The following CCDC33 variants were observed in gnomAD, a reference collection of about 807,000 sequenced individuals.
CCDC33 encodes the protein coiled-coil domain-containing protein 33.
A neutral mutation model predicts 91.9 loss-of-function variants in CCDC33; 94 were observed. The ratio of observed to expected loss-of-function variants is 1.02; its 90% CI spans 0.87 to 1.21. CCDC33 has a LOEUF of 1.21. Among genes scored for constraint, CCDC33 ranks in the 50% most tolerant of loss-of-function variants. The pLI is 0.00. For synonymous variants in CCDC33, 396 were observed against 374.5 expected (o/e 1.06, Z -0.66); for missense variants, 940 against 935.5 (o/e 1.00, Z -0.06).
intron 1 of CCDC33, among the ~76,000 whole-genome samples, chr15:74,204,745 C>G (rs1439433870): frequency 6.6e-6 from 1 of 152,146 alleles, no homozygotes; most frequent in Non-Finnish European, 1.5e-5. Flanking sequence ...CCCAGCCTGG[C>G]CAACAAGGCA....
At chr15:74,289,069 G>T (rs894057354) in intron 10 of CCDC33, among the ~76,000 whole-genome samples, 1 of 152,182 alleles carries the variant, frequency 6.6e-6, no homozygotes, top group East Asian at 1.9e-4. Context: ...GGCTCCTGGG[G>T]GAGGGGAGTT....
chr15:74,331,082 G>A lies in CCDC33; in HGVS notation c.1647G>A (p.Ala549=), dbSNP rs754436063. The A allele has an allele frequency of 1.9e-5, 31 of 1,613,482 alleles. No homozygotes were observed. In the African/African-American group the frequency reaches 2.0e-4, roughly 10 times the overall value. ...QYQGKLQKMK[A]LEETVRHQEK... ...AGGGCAAGCTGCAGAAGATGAAGGC[G>A]CTGGAGGAGACTGTGCGGCACCAAG... The change falls in exon 14 of 19, where the codon GCG becomes GCA. Residue 549 remains alanine (A), a synonymous_variant. Coordinates refer to ENST00000398814, the MANE Select transcript of CCDC33 (RefSeq NM_025055.5).
chr15:74,216,825 G>A (rs763944871), upstream of CCDC33, among the ~76,000 whole-genome samples: 14 of 151,052 alleles, frequency 9.3e-5, no homozygotes, highest in South Asian at 2.1e-4. Flanking sequence ...CCCCACACCA[G>A]AATCTTCTTC....
intron 5 of CCDC33, 34 bp downstream of exon 5, chr15:74,268,492 G>GA (rs776757144): frequency 6.8e-7 from 1 of 1,479,362 alleles, no homozygotes; most frequent in South Asian, 1.2e-5. Context: ...GGTGGTGGTG[G>GA]GGGTGGGAAA....
intron 2 of CCDC33, among the ~76,000 whole-genome samples, chr15:74,260,048 A>T (rs376286169): frequency 2.2e-4 from 34 of 152,328 alleles, no homozygotes; most frequent in African/African-American, 7.7e-4. Flanking sequence ...CACTAACTAT[A>T]TATCTATAAG....
In CCDC33 at chr15:74,207,632, G is replaced by A. The variant is rs144195302; in HGVS notation, n.90-1756G>A. 3,461 of 1,443,700 alleles carry A rather than the reference G, an allele frequency of 2.4e-3. 4 individuals are homozygous for A. The highest frequency in any genetic ancestry group is 3.0e-3 in the Non-Finnish European group (3,190 of 1,063,466). The allele number at this position is 1,443,700 out of a possible 1,614,324, so 89.4% of individuals were successfully genotyped here. A position where few individuals can be genotyped will look rare whatever the true frequency, so the allele number is the denominator to read the frequency against. ...AAACCTCAGGTACACCCCCAACTTC[G>A]ATAGCACGGAAGAGAACACGCAAGA... On this transcript the variant is annotated intron_variant and non_coding_transcript_variant, in intron 1 of 3. Transcript: ENST00000558645.
chr15:74,336,223 T>C, downstream of CCDC33: 1 of 1,431,560 alleles, frequency 7.0e-7, no homozygotes. Flanking sequence ...TGGGCCTGGG[T>C]CTTCTGCTGC....
intron 2 of CCDC33, among the ~76,000 whole-genome samples, chr15:74,247,102 G>T (rs761885317): frequency 6.6e-6 from 1 of 150,878 alleles, no homozygotes; most frequent in Non-Finnish European, 1.5e-5. Context: ...CCAAGATTGC[G>T]CCACTGCACT....
intron 5 of CCDC33, 85 bp downstream of exon 5, chr15:74,268,543 C>A (rs1296374322): frequency 1.9e-6 from 2 of 1,038,278 alleles, no homozygotes; most frequent in Non-Finnish European, 3.0e-6. Context: ...GCCCTTAGCC[C>A]CCTCTGGCTG....
chr15:74,224,842 C>T (rs2074735935), intron 2 of CCDC33, among the ~76,000 whole-genome samples: 1 of 152,110 alleles, frequency 6.6e-6, no homozygotes, highest in Non-Finnish European at 1.5e-5. Flanking sequence ...TGTGTCTGGG[C>T]CTTGGTTTCT....
rs1186064272 is a variant in CCDC33 at position 74,262,712 on chromosome 15, G to GA, written c.319+145dup. ...CCTTGGGCTCAGTTAAAAGCACTTA[G>GA]AAAAAATCATAATACTGTCACGCCT... On this transcript the variant is annotated intron_variant, in intron 3 of 18. Coordinates refer to ENST00000398814, the MANE Select transcript of CCDC33 (RefSeq NM_025055.5). The GA allele has an allele frequency of 1.4e-5, 12 of 861,700 alleles. No homozygotes were observed. In the Admixed American group the frequency reaches 1.8e-4, roughly 13 times the overall value. 53.4% of individuals were successfully genotyped at this position (861,700 alleles called of 1,614,324 possible). A position where few individuals can be genotyped will look rare whatever the true frequency, so the allele number is the denominator to read the frequency against.
At chr15:74,274,246 T>C (rs866056970) in intron 7 of CCDC33, among the ~76,000 whole-genome samples, 26 of 152,144 alleles carry the variant, frequency 1.7e-4, no homozygotes, top group African/African-American at 6.0e-4. Flanking sequence ...AGGAGGGCTG[T>C]GTGTTTGAGT....
intron 7 of CCDC33, among the ~76,000 whole-genome samples, chr15:74,278,179 A>G (rs941258271): frequency 3.3e-5 from 5 of 152,110 alleles, no homozygotes; most frequent in Non-Finnish European, 7.4e-5. Context: ...ACTGCAACCC[A>G]TCTCCCCAGG....
chr15:74,207,254 C>G (rs1422470929), intron 1 of CCDC33, among the ~76,000 whole-genome samples: 1 of 152,190 alleles, frequency 6.6e-6, no homozygotes, highest in Non-Finnish European at 1.5e-5. Context: ...GGAAGGCCAG[C>G]AGCATCCCCA....
At chr15:74,247,679 G>A (rs1001272531) in intron 2 of CCDC33, among the ~76,000 whole-genome samples, 1 of 152,178 alleles carries the variant, frequency 6.6e-6, no homozygotes, top group African/African-American at 2.4e-5. Flanking sequence ...GTCAGGGGCT[G>A]GGGATGAGGG....
At chr15:74,205,655 A>G (rs1456328311) in intron 1 of CCDC33, among the ~76,000 whole-genome samples, 1 of 152,236 alleles carries the variant, frequency 6.6e-6, no homozygotes, top group Non-Finnish European at 1.5e-5. Flanking sequence ...AAGAAAGGCA[A>G]TCAGGTTGCC....
chr15:74,297,215 C>T (rs191286961), intron 11 of CCDC33, among the ~76,000 whole-genome samples: 3 of 152,352 alleles, frequency 2.0e-5, no homozygotes, highest in East Asian at 1.9e-4. Flanking sequence ...AATTTTCTCC[C>T]GTCACCTCTG....
At position 74,334,993 on chromosome 15, in the gene CCDC33, C is replaced by T. The variant is rs750144807; in HGVS notation, c.2044C>T (p.Arg682Cys). The T allele has an allele frequency of 1.2e-5, 20 of 1,613,924 alleles. No individual in the cohort carries two copies. Among genetic ancestry groups the T allele is most frequent in the Admixed American group, 1.7e-5 (1 of 59,998 alleles). Residue 682 changes from arginine to cysteine, a missense_variant, in exon 18 of 19, where the codon CGC (arginine) becomes TGC (cysteine). Transcript: ENST00000398814. Reference sequence around the variant, plus strand: ...TCTGCAGTTAGAGGACTCAGCTCGACGCTGGGGACGAGAGAAGCAGGATCT... The same window carrying T: ...TCTGCAGTTAGAGGACTCAGCTCGATGCTGGGGACGAGAGAAGCAGGATCT... Reference protein sequence around the residue: ...LESQLEDSARRWGREKQDLAT... With the variant: ...LESQLEDSARCWGREKQDLAT...
chr15:74,271,849 G>A, intron 6 of CCDC33, 55 bp downstream of exon 6: 3 of 1,472,984 alleles, frequency 2.0e-6, no homozygotes, highest in African/African-American at 1.4e-5. Flanking sequence ...GGGCAGAGGA[G>A]GGGGTGAGGC....
Sources: gnomAD v4.1 joint callset for allele counts (sites outside exome capture counted in the v4.1 genomes callset) on GRCh38, gnomAD v4.1.1 for gene constraint, MANE v1.5 for transcripts, NCBI Gene and HGNC (gene_info 2026-07-23, HGNC 2026-07-21) for gene names.